Variants in NIPBL observed in about 807,000 individuals in gnomAD.
NIPBL encodes nipped-B-like protein.
In NIPBL, 19 loss-of-function variants were observed where a neutral mutation model predicts 321.8. The ratio of observed to expected loss-of-function variants is 0.06; its 90% confidence interval spans 0.04 to 0.09. The LOEUF is 0.09. NIPBL is among the 10% of genes least tolerant of loss of function. The pLI, the probability that NIPBL is intolerant of heterozygous loss-of-function variation, is 1.00. For missense variants in NIPBL, 2,210 were observed against 3,327.0 expected, an observed-to-expected ratio of 0.66 and a Z score of 8.26; for synonymous variants, 1,106 against 1,114.1, an observed-to-expected ratio of 0.99 and a Z score of 0.14.
intron 38 of NIPBL, among the ~76,000 whole-genome samples, chr5:37,048,183 C>T (rs1753168758): frequency 6.6e-6 from 1 of 152,068 alleles, no homozygotes; most frequent in Non-Finnish European, 1.5e-5. Flanking sequence ...CACTACAAGT[C>T]AGTGGTGGAG....
intron 22 of NIPBL, among the ~76,000 whole-genome samples, chr5:37,015,075 C>T (rs997185357): frequency 1.5e-4 from 23 of 150,474 alleles, no homozygotes; most frequent in African/African-American, 5.4e-4. Context: ...TCCTAGTGTA[C>T]CTGAATAGGA....
intron 25 of NIPBL, among the ~76,000 whole-genome samples, chr5:37,019,718 G>A (rs1253034757): frequency 6.6e-6 from 1 of 152,106 alleles, no homozygotes; most frequent in East Asian, 1.9e-4. Context: ...TGGTACATGA[G>A]ATGATCTATA....
At chr5:37,063,666 T>C (rs1755049736) in intron 45 of NIPBL, 124 bp from the exon 46 acceptor site, 1 of 927,400 alleles carries the variant, frequency 1.1e-6, no homozygotes, top group African/African-American at 1.7e-5. Flanking sequence ...TAGCCCCTAA[T>C]TTAGATGATG....
chr5:37,062,676 T>A (rs1289403973), intron 45 of NIPBL, among the ~76,000 whole-genome samples: 1 of 152,206 alleles, frequency 6.6e-6, no homozygotes, highest in East Asian at 1.9e-4. Context: ...TCTTAGCACC[T>A]TGGGAGGCCT....
At chr5:37,029,745 A>G (rs1750737310) in intron 32 of NIPBL, among the ~76,000 whole-genome samples, 1 of 152,240 alleles carries the variant, frequency 6.6e-6, no homozygotes, top group South Asian at 2.1e-4. Flanking sequence ...AACTTTAGCC[A>G]TTTTGGTGTG....
intron 16 of NIPBL, 80 bp downstream of exon 16, chr5:37,003,427 C>A: frequency 1.2e-6 from 1 of 809,252 alleles, no homozygotes; most frequent in Admixed American, 2.1e-5. Context: ...TCTATTGTTT[C>A]ATTTTCCATT....
chr5:37,000,736 C>A lies in NIPBL; in HGVS notation c.3503-81C>A, dbSNP rs922939417. On this transcript the variant is annotated intron_variant, in intron 12 of 46. Coordinates refer to ENST00000282516, the MANE Select transcript of NIPBL (RefSeq NM_133433.4). Reference sequence around the variant, plus strand: ...GATTATCGTTTAAGTCTTTAACGTTCAGGAAAAAAACTAGAAACAAAAATG... The same window carrying A: ...GATTATCGTTTAAGTCTTTAACGTTAAGGAAAAAAACTAGAAACAAAAATG... 4 of 1,371,468 alleles carry A rather than the reference C, an allele frequency of 2.9e-6. 1 individual carries two copies. The Admixed American group carries it at 5.5e-5, about 19-fold the overall frequency. 85.0% of individuals were successfully genotyped at this position (1,371,468 alleles called of 1,614,324 possible). A position where few individuals can be genotyped will look rare whatever the true frequency, so the allele number is the denominator to read the frequency against.
At chr5:36,973,512 G>A (rs1444890480) in intron 8 of NIPBL, among the ~76,000 whole-genome samples, 1 of 152,002 alleles carries the variant, frequency 6.6e-6, no homozygotes, top group African/African-American at 2.4e-5. Context: ...CTGTCACCCA[G>A]GCTGGAGTGC....
Position 36,985,951 on chromosome 5 carries a change from A to G in NIPBL, c.2771A>G (p.Asn924Ser). ...TSKDDKRTEG[N>S]KSKVDTNKAH... ...AAAGATGACAAAAGGACAGAGGGTA[A>G]CAAGAGTAAAGTAGACACTAATAAA... is the stretch of plus-strand genomic sequence containing the variant. The change falls in exon 10 of 47, where the codon AAC (asparagine) becomes AGC (serine). Residue 924 changes from asparagine (N) to serine (S), a missense_variant. Physicochemically the swap from Asn to Ser is conservative, Grantham distance 46 (BLOSUM62 1). Around this residue, in one of 14 missense-constraint regions of NIPBL, gnomAD observed 588 missense variants for 564.1 expected, o/e 1.04. Coordinates refer to ENST00000282516, the MANE Select transcript of NIPBL (RefSeq NM_133433.4). 2 of 1,614,050 alleles carry G rather than the reference A, an allele frequency of 1.2e-6. No homozygotes were observed. Among genetic ancestry groups the G allele is most frequent in the Non-Finnish European group, 8.5e-7 (1 of 1,179,978 alleles).
chr5:36,911,954 C>G (rs1047847110), intron 1 of NIPBL, among the ~76,000 whole-genome samples: 2 of 152,078 alleles, frequency 1.3e-5, no homozygotes, highest in Non-Finnish European at 2.9e-5. Context: ...TTTTTCCGTA[C>G]TTGAAGAGAG....
chr5:36,897,712 C>T (rs900575656), intron 1 of NIPBL, among the ~76,000 whole-genome samples: 1 of 152,184 alleles, frequency 6.6e-6, no homozygotes, highest in South Asian at 2.1e-4. Context: ...AAGCAGTAAG[C>T]TTTGCCAATA....
At chr5:37,060,617 T>TA (rs1338018778) in intron 44 of NIPBL, among the ~76,000 whole-genome samples, 4 of 152,168 alleles carry the variant, frequency 2.6e-5, no homozygotes, top group African/African-American at 9.7e-5. Context: ...CTGGCCACTA[T>TA]ATAGAGGATG....
In NIPBL at chr5:36,980,953, A is replaced by T. The variant is rs568135457; in HGVS notation, c.1496-3723A>T. On this transcript the variant is annotated intron_variant, in intron 9 of 46. Coordinates refer to ENST00000282516, the MANE Select transcript of NIPBL (RefSeq NM_133433.4). ...GTATATTGGTCCAAGGGTGTAGGTGAGGTCATAAATAAAAGCAAAATTCTT... is the reference window on the plus strand; with the variant it reads ...GTATATTGGTCCAAGGGTGTAGGTGTGGTCATAAATAAAAGCAAAATTCTT... Among the ~76,000 whole-genome samples the T allele has an allele frequency of 3.2e-4, 49 of 151,706 alleles. No individual in the cohort carries two copies. In the South Asian group the frequency reaches 1.0e-2, roughly 31 times the overall value.
At chr5:36,916,600 A>G (rs1223841025) in intron 1 of NIPBL, among the ~76,000 whole-genome samples, 1 of 152,090 alleles carries the variant, frequency 6.6e-6, no homozygotes, top group South Asian at 2.1e-4. Context: ...TGCTGCACCC[A>G]TTAACTCGTC....
chr5:36,918,508 C>G (rs1748660265), intron 1 of NIPBL, among the ~76,000 whole-genome samples: 1 of 152,046 alleles, frequency 6.6e-6, no homozygotes, highest in African/African-American at 2.4e-5. Context: ...TAATTGAATA[C>G]CCTTTATTTT....
intron 6 of NIPBL, among the ~76,000 whole-genome samples, chr5:36,965,617 T>C (rs1164666139): frequency 6.6e-5 from 10 of 152,138 alleles, no homozygotes; most frequent in Admixed American, 5.2e-4. Context: ...GTAGGGTGAC[T>C]GTAGTTGACA....
intron 7 of NIPBL, 111 bp downstream of exon 7, chr5:36,971,147 G>C (rs1742807180): frequency 2.3e-6 from 2 of 860,990 alleles, no homozygotes; most frequent in Non-Finnish European, 3.8e-6. Context: ...ATTATACTGG[G>C]TACTGAGTAC....
chr5:37,033,724 A>ATTTTT lies in NIPBL; in HGVS notation c.5863-2654_5863-2653insTTTTT, dbSNP rs1286423460. Among the ~76,000 whole-genome samples the ATTTTT allele has an allele frequency of 3.7e-3, 307 of 81,940 alleles. 1 individual carries two copies. The highest frequency in any genetic ancestry group is 5.8e-3 in the Middle Eastern group (1 of 172). The allele number at this position is 81,940 out of a possible 152,430, so 53.8% of individuals were successfully genotyped here. On this transcript the variant is annotated intron_variant, in intron 32 of 46. Transcript: ENST00000282516. Reference sequence around the variant, plus strand: ...CACACACATATATATATATATATATATATATATTTTTTTTTTTTTTTTTTT... The same window carrying ATTTTT: ...CACACACATATATATATATATATATATTTTTTATATATTTTTTTTTTTTTTTTTTT...
intron 11 of NIPBL, 124 bp downstream of exon 11, chr5:36,995,928 A>T: frequency 1.2e-6 from 1 of 815,756 alleles, no homozygotes; most frequent in South Asian, 1.7e-5. Flanking sequence ...AACACAGTAT[A>T]GTAAGTTTTT....
Sources: gnomAD v4.1 joint callset for allele counts (sites outside exome capture counted in the v4.1 genomes callset) on GRCh38, gnomAD v4.1.1 for gene constraint, gnomAD v4.1.1 regional missense constraint, MANE v1.5 for transcripts, NCBI Gene and HGNC (gene_info 2026-07-23, HGNC 2026-07-21) for gene names.